FSD1L: variants seen among roughly 807,000 people sequenced by gnomAD.
FSD1L encodes the protein fibronectin type III and SPRY domain containing 1 like.
Under a neutral mutation model 71.6 loss-of-function variants are expected in FSD1L, and 45 were observed. The observed-to-expected ratio is 0.63, with a 90% confidence interval of 0.49 to 0.81. The LOEUF is 0.81. Ranked by LOEUF, FSD1L falls within the 30% of genes least tolerant of loss-of-function variation. The pLI is 0.00. For synonymous variants in FSD1L, 197 were observed against 207.2 expected, an observed-to-expected ratio of 0.95 and a Z score of 0.42; for missense variants, 561 against 618.1, an observed-to-expected ratio of 0.91 and a Z score of 0.98.
chr9:105,468,950 CT>C (rs1831257120), intron 4 of FSD1L, among the ~76,000 whole-genome samples: 2 of 152,200 alleles, frequency 1.3e-5, no homozygotes, highest in African/African-American at 4.8e-5. Flanking sequence ...TTACTAGCCC[CT>C]GGCAATCATC....
intron 13 of FSD1L, among the ~76,000 whole-genome samples, chr9:105,544,769 C>T (rs1415501032): frequency 6.6e-6 from 1 of 152,108 alleles, no homozygotes; most frequent in Admixed American, 6.5e-5. Context: ...GGGCTCTGTT[C>T]TGTTCCATTG....
At chr9:105,524,943 A>G in intron 10 of FSD1L, 1 of 1,614,014 alleles carries the variant, frequency 6.2e-7, no homozygotes, top group East Asian at 2.2e-5. Context: ...TGTGTTAATA[A>G]TACAACCTTA....
chr9:105,487,091 G>T (rs1832601217), intron 7 of FSD1L, among the ~76,000 whole-genome samples: 1 of 152,106 alleles, frequency 6.6e-6, no homozygotes, highest in Non-Finnish European at 1.5e-5. Flanking sequence ...ATATAATTTT[G>T]CTTTGCCACT....
chr9:105,474,439 A>AT, intron 5 of FSD1L, among the ~76,000 whole-genome samples: 1 of 152,330 alleles, frequency 6.6e-6, no homozygotes, highest in South Asian at 2.1e-4. Flanking sequence ...AGCTGCTTGC[A>AT]ATTATTTTCT....
At chr9:105,444,071 T>C (rs1416968539), upstream of FSD1L, among the ~76,000 whole-genome samples, 1 of 152,120 alleles carries the variant, frequency 6.6e-6, no homozygotes, top group African/African-American at 2.4e-5. Context: ...GACTAGTGAT[T>C]ATACTCCAGA....
chr9:105,485,364 C>G lies in FSD1L; in HGVS notation c.586+862C>G, dbSNP rs1832468588. ...GTTAACCTCACTTTGTAAGAACCTT[C>G]TTTCACAAGAACTAACCCAGTCTTT... On this transcript the variant is annotated intron_variant, in intron 7 of 13. Coordinates refer to ENST00000481272, the MANE Select transcript of FSD1L (RefSeq NM_001145313.3). 2.0e-5 allele frequency among the ~76,000 whole-genome samples: 3 copies of G among 152,098 alleles called. No homozygotes were observed. The South Asian group carries it at 6.2e-4, about 32-fold the overall frequency.
intron 1 of FSD1L, among the ~76,000 whole-genome samples, chr9:105,461,123 CT>C (rs1415602190): frequency 6.6e-6 from 1 of 151,996 alleles, no homozygotes; most frequent in African/African-American, 2.4e-5. Flanking sequence ...GTTCAGAAAG[CT>C]TTTAGGTCGT....
chr9:105,545,974 A>T (rs917113100), intron 13 of FSD1L, among the ~76,000 whole-genome samples: 1 of 152,124 alleles, frequency 6.6e-6, no homozygotes. Context: ...ATATCTCATT[A>T]TCAAAACCAA....
At chr9:105,522,483 G>T in intron 10 of FSD1L, 2 of 1,613,862 alleles carry the variant, frequency 1.2e-6, no homozygotes, top group Non-Finnish European at 1.7e-6. Context: ...TCCAGGAACC[G>T]AAAAGGCGAG....
chr9:105,511,467 C>G (rs1218430624), intron 9 of FSD1L, among the ~76,000 whole-genome samples: 2 of 152,078 alleles, frequency 1.3e-5, no homozygotes, highest in Non-Finnish European at 2.9e-5. Context: ...ATAAGTTTTA[C>G]TTAATCCTAA....
intron 9 of FSD1L, among the ~76,000 whole-genome samples, chr9:105,511,647 T>G (rs1487759345): frequency 6.6e-6 from 1 of 152,124 alleles, no homozygotes; most frequent in Non-Finnish European, 1.5e-5. Context: ...CTGTGGTCAG[T>G]AGATTTGTAT....
intron 10 of FSD1L, among the ~76,000 whole-genome samples, chr9:105,515,352 A>C (rs1295410699): frequency 6.6e-6 from 1 of 152,216 alleles, no homozygotes; most frequent in African/African-American, 2.4e-5. Context: ...AAAACGCGCC[A>C]GGCATTCTTA....
chr9:105,505,574 C>T (rs1834010262), intron 7 of FSD1L, among the ~76,000 whole-genome samples: 1 of 151,976 alleles, frequency 6.6e-6, no homozygotes, highest in Admixed American at 6.6e-5. Context: ...TTTGAATTTT[C>T]TACATAGGCA....
At chr9:105,478,621 G>A (rs1187086193) in intron 5 of FSD1L, among the ~76,000 whole-genome samples, 1 of 151,862 alleles carries the variant, frequency 6.6e-6, no homozygotes, top group African/African-American at 2.4e-5. Flanking sequence ...TGACCATGCA[G>A]CCCCAAGTAA....
intron 7 of FSD1L, among the ~76,000 whole-genome samples, chr9:105,493,020 T>G (rs915476863): frequency 6.6e-6 from 1 of 152,316 alleles, no homozygotes; most frequent in Non-Finnish European, 1.5e-5. Flanking sequence ...TTAGGTCCAC[T>G]TGGTGCAGAG....
intron 7 of FSD1L, among the ~76,000 whole-genome samples, chr9:105,493,259 CTTCT>C (rs915527841): frequency 6.6e-6 from 1 of 152,036 alleles, no homozygotes; most frequent in Non-Finnish European, 1.5e-5. Flanking sequence ...ATGTAATGGC[CTTCT>C]TTGTCTCTTT....
At chr9:105,451,239 G>T (rs1424899793) in intron 1 of FSD1L, among the ~76,000 whole-genome samples, 2 of 152,244 alleles carry the variant, frequency 1.3e-5, no homozygotes, top group Middle Eastern at 3.2e-3. Context: ...GATTACAGGC[G>T]TGGGCCACCG....
intron 10 of FSD1L, among the ~76,000 whole-genome samples, chr9:105,533,185 T>G (rs1037923653): frequency 4.6e-5 from 7 of 152,074 alleles, no homozygotes; most frequent in African/African-American, 1.7e-4. Flanking sequence ...AAAAATCTTT[T>G]GTTAAATGCA....
At chr9:105,525,791 T>C in intron 10 of FSD1L, 1 of 1,607,374 alleles carries the variant, frequency 6.2e-7, no homozygotes, top group East Asian at 2.2e-5. Flanking sequence ...GAGGTAAATC[T>C]TACAAACCAT....
Sources: allele counts gnomAD v4.1 joint callset (sites outside exome capture counted in the v4.1 genomes callset), GRCh38; gene constraint gnomAD v4.1.1; transcripts MANE v1.5; gene names NCBI Gene and HGNC (gene_info 2026-07-23, HGNC 2026-07-21).